ITGA10: variants seen among roughly 807,000 people sequenced by gnomAD.
The protein encoded by ITGA10 is integrin subunit alpha 10, also known as integrin alpha-10.
A neutral mutation model predicts 145.2 loss-of-function variants in ITGA10; 105 were observed. The ratio of observed to expected loss-of-function variants is 0.72; its 90% confidence interval spans 0.62 to 0.85. The LOEUF (loss-of-function observed/expected upper bound fraction) is 0.85, where lower values mean the gene tolerates loss of function less well. Ranked by LOEUF, ITGA10 falls within the 40% of genes least tolerant of loss-of-function variation. The probability of loss-of-function intolerance (pLI) is 0.00; values close to 1 mark genes in which losing one functional copy is unlikely to be tolerated. For missense variants in ITGA10, 1,317 were observed against 1,444.5 expected (o/e 0.91, Z 1.43); for synonymous variants, 506 against 557.8 (o/e 0.91, Z 1.31).
rs1553745753 is a variant in ITGA10 at position 145,897,669 on chromosome 1, G to A, written c.2433-16C>T. 3 of 1,614,130 alleles carry A rather than the reference G, an allele frequency of 1.9e-6. No homozygotes were observed. The highest frequency in any genetic ancestry group is 1.7e-6 in the Non-Finnish European group (2 of 1,180,022). Reference sequence around the variant, plus strand: ...TGGGGCCTTCCTGGGAATGATGAATGAGGGAGAGACCAGGAGTTGAAGGAG... The same window carrying A: ...TGGGGCCTTCCTGGGAATGATGAATAAGGGAGAGACCAGGAGTTGAAGGAG... On this transcript the variant is annotated splice_polypyrimidine_tract_variant and intron_variant, in intron 19 of 29. Coordinates refer to ENST00000369304, the MANE Select transcript of ITGA10 (RefSeq NM_003637.5).
intron 23 of ITGA10, 129 bp downstream of exon 23, chr1:145,896,640 G>A: frequency 1.3e-6 from 1 of 781,112 alleles, no homozygotes; most frequent in Non-Finnish European, 2.3e-6. Context: ...AGGATTGAGG[G>A]CAAAAAGACT....
In ITGA10 at chr1:145,891,806, C is replaced by G. The variant is rs1553743222; in HGVS notation, c.*992G>C. On this transcript the variant is annotated 3_prime_UTR_variant, in exon 30 of 30. Transcript: ENST00000369304. ...ACCCATGTAGGTTTCTTAATGCAGACTCCACACTTTTAGATCCCATGGGGC... is the reference window on the plus strand; with the variant it reads ...ACCCATGTAGGTTTCTTAATGCAGAGTCCACACTTTTAGATCCCATGGGGC... The G allele has an allele frequency of 6.6e-6, 1 of 152,236 alleles. No homozygotes were observed. The highest frequency in any genetic ancestry group is 1.9e-4 in the East Asian group (1 of 5,192). 9.4% of individuals were successfully genotyped at this position (152,236 alleles called of 1,614,324 possible).
At position 145,907,340 on chromosome 1, in the gene ITGA10, G is replaced by T. The variant is rs782426959; in HGVS notation, c.164+14C>A. 1 of 1,614,096 alleles carries T rather than the reference G, an allele frequency of 6.2e-7. No individual in the cohort carries two copies. The highest frequency in any genetic ancestry group is 8.5e-7 in the Non-Finnish European group (1 of 1,180,004). On this transcript the variant is annotated intron_variant, in intron 2 of 29. Transcript: ENST00000369304. ...TGCAGTCCCAATCCCCTGGCACTCC[G>T]GTTTCTTCCTCACCATCGCTGTCCA...
At position 145,900,093 on chromosome 1, in the gene ITGA10, A is replaced by G. The variant is rs1419735892; in HGVS notation, c.1886T>C (p.Val629Ala). ...GGCTGCCCCCTGGGCACCCACAGCCACATCGACCAGATCATCTCCATCCAG... is the reference window on the plus strand; with the variant it reads ...GGCTGCCCCCTGGGCACCCACAGCCGCATCGACCAGATCATCTCCATCCAG... ...LDLDGDDLVD[V>A]AVGAQGAAIL... Residue 629 changes from valine (V) to alanine (A), a missense_variant, in exon 15 of 30, where the codon GTG becomes GCG. By Grantham distance (64) the Val-to-Ala change is moderately conservative. Transcript: ENST00000369304. 1 of 1,613,950 alleles carries G rather than the reference A, an allele frequency of 6.2e-7. No individual in the cohort carries two copies. The highest frequency in any genetic ancestry group is 1.3e-5 in the African/African-American group (1 of 74,916).
Position 145,901,688 on chromosome 1 carries a change from G to T in ITGA10, c.1295-24C>A, listed in dbSNP as rs1656342328. On this transcript the variant is annotated intron_variant, in intron 11 of 29. Coordinates refer to ENST00000369304, the MANE Select transcript of ITGA10 (RefSeq NM_003637.5). This position sits in a 1 kb window ranked among gnomAD's most constrained non-coding sequence, Gnocchi z 4.3. ...ACCTAGAAGTGGGCAAAGTAACAGAGGTAAAGGAAAAGAAGATGGGGTCCA... is the reference window on the plus strand; with the variant it reads ...ACCTAGAAGTGGGCAAAGTAACAGATGTAAAGGAAAAGAAGATGGGGTCCA... 6.5e-7 allele frequency: 1 copy of T among 1,541,968 alleles called. No homozygotes were observed. Among genetic ancestry groups the T allele is most frequent in the Non-Finnish European group, 8.7e-7 (1 of 1,146,238 alleles).
Position 145,897,061 on chromosome 1 carries a change from A to G in ITGA10, c.2694T>C (p.Phe898=), listed in dbSNP as rs1337746315. The change falls in exon 22 of 30, where the codon TTT becomes TTC. Residue 898 remains phenylalanine (F), a synonymous_variant. Coordinates refer to ENST00000369304, the MANE Select transcript of ITGA10 (RefSeq NM_003637.5). ...AKVTFLLEFE[F]SCSSLLSQVF... ...CCTGGCTCAGGAGAGAGGAGCAGCT[A>G]AACTCAAACTCTAGCAGAAAGGTCA... 6.2e-7 allele frequency: 1 copy of G among 1,613,926 alleles called. No individual in the cohort carries two copies. Among genetic ancestry groups the G allele is most frequent in the Non-Finnish European group, 8.5e-7 (1 of 1,179,944 alleles).
intron 5 of ITGA10, among the ~76,000 whole-genome samples, chr1:145,905,480 T>C (rs1553750756): frequency 6.6e-6 from 1 of 151,982 alleles, no homozygotes; most frequent in African/African-American, 2.4e-5. Context: ...AGGGTTTTAC[T>C]CTGTTAGCCA....
Position 145,904,731 on chromosome 1 carries a change from G to A in ITGA10, c.562C>T (p.Leu188=), listed in dbSNP as rs1553750515. The A allele has an allele frequency of 6.2e-7, 1 of 1,613,890 alleles. No individual in the cohort carries two copies. ...IYPWSEVQTF[L]RRLVGKLFID... is the part of the protein sequence containing the mutation. ...AACAGTTTCCCTACCAGTCTTCGTA[G>A]GAAGGTCTGAACTTCAGACCAGGGG... Residue 188 remains leucine (L), a synonymous_variant, in exon 6 of 30, where the codon CTA becomes TTA. Coordinates refer to ENST00000369304, the MANE Select transcript of ITGA10 (RefSeq NM_003637.5).
chr1:145,908,983 C>T (rs1445045197), intron 1 of ITGA10, among the ~76,000 whole-genome samples: 1 of 152,014 alleles, frequency 6.6e-6, no homozygotes, highest in African/African-American at 2.4e-5. Flanking sequence ...CCCTATAGGG[C>T]TTAGGATGAA....
At chr1:145,898,801 C>T (rs1655811832) in intron 17 of ITGA10, 135 bp downstream of exon 17, 1 of 1,077,152 alleles carries the variant, frequency 9.3e-7, no homozygotes. Context: ...CCAGATCAGC[C>T]CTGACTCCAA....
chr1:145,901,154 T>C lies in ITGA10; in HGVS notation c.1568A>G (p.Tyr523Cys). ...TCTCACCTGGCCTACCAGATACACATAAACACGTCCTGTTTCCTTGTTCTG... is the reference window on the plus strand; with the variant it reads ...TCTCACCTGGCCTACCAGATACACACAAACACGTCCTGTTTCCTTGTTCTG... ...GPQNKETGRV[Y>C]VYLVGQQSLL... The change falls in exon 13 of 30, where the codon TAT (tyrosine) becomes TGT (cysteine). Residue 523 changes from tyrosine (Y) to cysteine (C), a missense_variant. Coordinates refer to ENST00000369304, the MANE Select transcript of ITGA10 (RefSeq NM_003637.5). This position sits in a 1 kb window ranked among gnomAD's most constrained non-coding sequence, Gnocchi z 4.3. The C allele has an allele frequency of 1.2e-6, 2 of 1,614,022 alleles. No individual in the cohort carries two copies. Among genetic ancestry groups the C allele is most frequent in the South Asian group, 1.1e-5 (1 of 91,072 alleles).
intron 7 of ITGA10, 63 bp from the exon 8 acceptor site, chr1:145,903,024 T>TAC (rs55794832): frequency 0.055 from 20,785 of 375,784 alleles, 428 homozygotes; most frequent in Non-Finnish European, 0.059. Context: ...CACACACACA[T>TAC]ACACACACAC....
intron 5 of ITGA10, chr1:145,905,961 C>G (rs1657075787): frequency 6.1e-6 from 1 of 163,472 alleles, no homozygotes; most frequent in South Asian, 1.6e-4. Context: ...ACTCTGTCAC[C>G]CACGCTAGAG....
chr1:145,903,002 GACACACACACACACACACACAT>G (rs1295945260), intron 7 of ITGA10, 41 bp from the exon 8 acceptor site: 61,114 of 1,089,700 alleles, frequency 0.056, 1,897 homozygotes, highest in Middle Eastern at 0.092. Flanking sequence ...GATGTATGCA[GACACACACACACACACACACAT>G]ACACACACAC....
Position 145,904,669 on chromosome 1 carries a change from A to T in ITGA10, c.609+15T>A. The T allele has an allele frequency of 6.2e-7, 1 of 1,613,444 alleles. No homozygotes were observed. Among genetic ancestry groups the T allele is most frequent in the Non-Finnish European group, 8.5e-7 (1 of 1,179,690 alleles). ...CCACAAGCAACTGTGCCCAGCTCAT[A>T]TTGCCTTCTCTTACCTGTATCTGTT... On this transcript the variant is annotated intron_variant, in intron 6 of 29. Transcript: ENST00000369304.
At chr1:145,893,478 G>A in intron 28 of ITGA10, 62 bp downstream of exon 28, 2 of 1,325,962 alleles carry the variant, frequency 1.5e-6, no homozygotes, top group Non-Finnish European at 2.1e-6. Flanking sequence ...GCCCACGGGT[G>A]GCCCTACCAC....
intron 6 of ITGA10, 92 bp from the exon 7 acceptor site, chr1:145,904,292 C>G (rs1656802274): frequency 8.1e-7 from 1 of 1,228,246 alleles, no homozygotes; most frequent in Admixed American, 1.8e-5. Flanking sequence ...GAGATGAACA[C>G]CTGGATACTA....
In ITGA10 at chr1:145,901,784, C is replaced by T; in HGVS notation, c.1294+93G>A. On this transcript the variant is annotated intron_variant, in intron 11 of 29. Transcript: ENST00000369304. This position sits in a 1 kb window ranked among gnomAD's most constrained non-coding sequence, Gnocchi z 4.3. Reference sequence around the variant, plus strand: ...GTAACCAGAGGTCAGTGAGAAACCGCATGAGTTAAGAGGGAGTATTTCATA... The same window carrying T: ...GTAACCAGAGGTCAGTGAGAAACCGTATGAGTTAAGAGGGAGTATTTCATA... The T allele has an allele frequency of 6.4e-7, 1 of 1,567,546 alleles. No homozygotes were observed. Among genetic ancestry groups the T allele is most frequent in the Non-Finnish European group, 8.7e-7 (1 of 1,152,428 alleles).
At position 145,897,026 on chromosome 1, in the gene ITGA10, T is replaced by A. The variant is rs781892285; in HGVS notation, c.2729A>T (p.Lys910Met). 9 of 1,613,936 alleles carry A rather than the reference T, an allele frequency of 5.6e-6. No homozygotes were observed. The East Asian group carries it at 1.8e-4, about 32-fold the overall frequency. The part of the protein sequence containing the change: ...CSSLLSQVFV[K>M]LTASSDSLER... ...TCATTCTCACCTGCTGGCAGTCAGC[T>A]TCACGAAGACCTGGCTCAGGAGAGA... Residue 910 changes from lysine to methionine, a missense_variant, in exon 22 of 30, where the codon AAG (lysine) becomes ATG (methionine). Lys to Met is a moderately conservative substitution (Grantham distance 95, BLOSUM62 -1). Coordinates refer to ENST00000369304, the MANE Select transcript of ITGA10 (RefSeq NM_003637.5).
Sources: allele counts gnomAD v4.1 joint callset (sites outside exome capture counted in the v4.1 genomes callset), GRCh38; gene constraint gnomAD v4.1.1; non-coding constraint Gnocchi (gnomAD v3.1); transcripts MANE v1.5; gene names NCBI Gene and HGNC (gene_info 2026-07-23, HGNC 2026-07-21).